The following CAMK1D variants were observed in gnomAD, a reference collection of about 807,000 sequenced individuals.
The protein encoded by CAMK1D is calcium/calmodulin dependent protein kinase ID, also known as calcium/calmodulin-dependent protein kinase type 1D.
CAMK1D carries 9 observed loss-of-function variants against 47.7 expected under a neutral mutation model. That is an observed-to-expected ratio of 0.19 (90% CI 0.11 to 0.33). The LOEUF (loss-of-function observed/expected upper bound fraction) is 0.33. Ranked by LOEUF, CAMK1D falls within the 10% of genes least tolerant of loss-of-function variation. The pLI is 1.00. For missense variants in CAMK1D, 291 were observed against 488.7 expected, an observed-to-expected ratio of 0.60 and a Z score of 3.81; for synonymous variants, 184 against 184.9, an observed-to-expected ratio of 0.99 and a Z score of 0.04.
At chr10:12,786,718 A>G (rs1837740658) in intron 5 of CAMK1D, among the ~76,000 whole-genome samples, 2 of 152,348 alleles carry the variant, frequency 1.3e-5, no homozygotes, top group Middle Eastern at 3.4e-3. Flanking sequence ...CACTACATGT[A>G]GCCCAGGAAC....
intron 1 of CAMK1D, among the ~76,000 whole-genome samples, chr10:12,484,340 CTG>C (rs1470324934): frequency 6.6e-6 from 1 of 152,220 alleles, no homozygotes; most frequent in Non-Finnish European, 1.5e-5. Context: ...CGCGTGAACT[CTG>C]TGTTTGGAGG....
intron 3 of CAMK1D, among the ~76,000 whole-genome samples, chr10:12,740,734 G>A (rs1835391327): frequency 1.3e-5 from 2 of 152,234 alleles, no homozygotes; most frequent in South Asian, 4.1e-4. Context: ...TTGGGAGGCA[G>A]TGCCTCTTTT....
At chr10:12,368,617 A>G (rs1346656031) in intron 1 of CAMK1D, among the ~76,000 whole-genome samples, 1 of 151,924 alleles carries the variant, frequency 6.6e-6, no homozygotes, top group Admixed American at 6.6e-5. Context: ...GTTTTGTTGC[A>G]ATAACAAGAA....
chr10:12,412,023 C>G (rs1291580883), intron 1 of CAMK1D, among the ~76,000 whole-genome samples: 1 of 152,212 alleles, frequency 6.6e-6, no homozygotes, highest in African/African-American at 2.4e-5. Context: ...AGGTTTGAGT[C>G]TATCAGCGTG....
At chr10:12,714,243 TA>T (rs1223862082) in intron 3 of CAMK1D, among the ~76,000 whole-genome samples, 1 of 152,094 alleles carries the variant, frequency 6.6e-6, no homozygotes, top group Admixed American at 6.5e-5. Flanking sequence ...ATAGACATAT[TA>T]TATCTTTAGA....
intron 1 of CAMK1D, among the ~76,000 whole-genome samples, chr10:12,458,079 T>C (rs192868380): frequency 6.6e-6 from 1 of 151,752 alleles, no homozygotes; most frequent in Admixed American, 6.6e-5. Context: ...TGGTGGAGAG[T>C]GAAGGTGGTT....
At chr10:12,480,944 AC>A (rs1479273856) in intron 1 of CAMK1D, among the ~76,000 whole-genome samples, 1 of 152,208 alleles carries the variant, frequency 6.6e-6, no homozygotes, top group Non-Finnish European at 1.5e-5. Flanking sequence ...CTTGCCCTTA[AC>A]CTCCAACAGC....
At chr10:12,480,349 C>T (rs960369155) in intron 1 of CAMK1D, among the ~76,000 whole-genome samples, 3 of 152,044 alleles carry the variant, frequency 2.0e-5, no homozygotes, top group African/African-American at 7.2e-5. Flanking sequence ...GCAGGAGAAT[C>T]ACTGGAACCC....
At chr10:12,508,324 C>CA (rs1185215784) in intron 1 of CAMK1D, among the ~76,000 whole-genome samples, 4 of 152,282 alleles carry the variant, frequency 2.6e-5, no homozygotes, top group African/African-American at 9.6e-5. Flanking sequence ...TGCAACCTTA[C>CA]AAAAAAAGGA....
At chr10:12,478,260 G>A (rs568768678) in intron 1 of CAMK1D, among the ~76,000 whole-genome samples, 4 of 151,418 alleles carry the variant, frequency 2.6e-5, no homozygotes, top group South Asian at 2.1e-4. Flanking sequence ...CACCTGCCTC[G>A]GCCTCCCAAA....
intron 2 of CAMK1D, among the ~76,000 whole-genome samples, chr10:12,594,643 A>G (rs1410566038): frequency 6.6e-6 from 1 of 152,236 alleles, no homozygotes; most frequent in Non-Finnish European, 1.5e-5. Context: ...TCTGTCAGAT[A>G]TAGAAACATT....
intron 3 of CAMK1D, among the ~76,000 whole-genome samples, chr10:12,753,323 A>G (rs1836074470): frequency 6.6e-6 from 1 of 152,186 alleles, no homozygotes; most frequent in African/African-American, 2.4e-5. Flanking sequence ...ATTCGAGAAC[A>G]TCTGTTAGTG....
Position 12,795,606 on chromosome 10 carries a change from G to A in CAMK1D, c.641+4373G>A, listed in dbSNP as rs552074749. 3.9e-5 allele frequency among the ~76,000 whole-genome samples: 6 copies of A among 152,286 alleles called. No homozygotes were observed. The East Asian group carries it at 5.8e-4, about 15-fold the overall frequency. On this transcript the variant is annotated intron_variant, in intron 6 of 10. Coordinates refer to ENST00000619168, the MANE Select transcript of CAMK1D (RefSeq NM_153498.4). ...TATTTTTGTTTGATAAACCTGTCAC[G>A]CTGAGATATCAGACTGCAGCCAAAG...
chr10:12,705,710 A>G (rs1313831577), intron 3 of CAMK1D, among the ~76,000 whole-genome samples: 2 of 152,204 alleles, frequency 1.3e-5, no homozygotes, highest in Non-Finnish European at 2.9e-5. Context: ...CCAGAATTCC[A>G]TTGTTCGGCC....
intron 1 of CAMK1D, among the ~76,000 whole-genome samples, chr10:12,525,888 G>A (rs1212543182): frequency 2.0e-5 from 3 of 152,128 alleles, no homozygotes; most frequent in Admixed American, 6.6e-5. Context: ...CTCCCAAGTA[G>A]CTGGGATTAC....
At chr10:12,521,144 T>C (rs1037969627) in intron 1 of CAMK1D, among the ~76,000 whole-genome samples, 3 of 152,326 alleles carry the variant, frequency 2.0e-5, no homozygotes, top group Non-Finnish European at 4.4e-5. Flanking sequence ...TCCTTATATG[T>C]TCTTTCCTTC....
chr10:12,412,458 A>AAC (rs938678235), intron 1 of CAMK1D, among the ~76,000 whole-genome samples: 1 of 149,082 alleles, frequency 6.7e-6, no homozygotes, highest in African/African-American at 2.5e-5. Context: ...AAAAATACAA[A>AAC]AAAAAAAAAA....
At chr10:12,607,128 A>G (rs1261881264) in intron 2 of CAMK1D, among the ~76,000 whole-genome samples, 1 of 152,136 alleles carries the variant, frequency 6.6e-6, no homozygotes, top group South Asian at 2.1e-4. Flanking sequence ...CCTGGCCCAG[A>G]AGTAACAGAT....
chr10:12,514,677 A>T (rs1005038356), intron 1 of CAMK1D, among the ~76,000 whole-genome samples: 2 of 152,266 alleles, frequency 1.3e-5, no homozygotes, highest in Non-Finnish European at 2.9e-5. Flanking sequence ...TAGGTTTTAC[A>T]GAGTACGAAG....
Sources: allele counts gnomAD v4.1 joint callset (sites outside exome capture counted in the v4.1 genomes callset), GRCh38; gene constraint gnomAD v4.1.1; transcripts MANE v1.5; gene names NCBI Gene and HGNC (gene_info 2026-07-23, HGNC 2026-07-21).